Variants in TMED3 observed in about 807,000 individuals in gnomAD.
TMED3 encodes transmembrane emp24 domain-containing protein 3.
Under a neutral mutation model 15.0 loss-of-function variants are expected in TMED3, and 9 were observed. The observed-to-expected ratio is 0.60, with a 90% CI of 0.36 to 1.04. The LOEUF is 1.04. Among genes scored for constraint, TMED3 ranks in the 50% least tolerant of loss-of-function variants. The pLI is 0.01. For synonymous variants in TMED3, 117 were observed against 121.4 expected (o/e 0.96, Z 0.24); for missense variants, 267 against 278.9 (o/e 0.96, Z 0.30).
intron 2 of TMED3, among the ~76,000 whole-genome samples, chr15:79,409,929 G>A (rs1893951022): frequency 6.6e-6 from 1 of 152,086 alleles, no homozygotes; most frequent in Non-Finnish European, 1.5e-5. Flanking sequence ...GGTAACCTTA[G>A]TTGCCCCTGT....
chr15:79,395,596 T>C (rs1893753618), intron 2 of TMED3, among the ~76,000 whole-genome samples: 1 of 152,234 alleles, frequency 6.6e-6, no homozygotes, highest in Non-Finnish European at 1.5e-5. Flanking sequence ...GGCATTGAGA[T>C]ACTTATGCTA....
intron 2 of TMED3, among the ~76,000 whole-genome samples, chr15:79,370,069 G>A (rs1283466569): frequency 1.3e-5 from 2 of 152,114 alleles, no homozygotes; most frequent in Non-Finnish European, 2.9e-5. Context: ...GGAATGTCTG[G>A]TGAAGAAGAG....
At chr15:79,321,542 TGGTCTA>T (rs2058766746) in intron 2 of TMED3, among the ~76,000 whole-genome samples, 1 of 152,222 alleles carries the variant, frequency 6.6e-6, no homozygotes, top group Non-Finnish European at 1.5e-5. Context: ...AACACAACTG[TGGTCTA>T]GTTCACACTT....
At chr15:79,322,899 A>T, downstream of TMED3, 1 of 985,360 alleles carries the variant, frequency 1.0e-6, no homozygotes, top group Non-Finnish European at 1.2e-6. Context: ...ACTGCAGAGC[A>T]TGGGTGTGTG....
At chr15:79,330,489 A>G (rs1465925552) in intron 2 of TMED3, among the ~76,000 whole-genome samples, 1 of 152,164 alleles carries the variant, frequency 6.6e-6, no homozygotes, top group African/African-American at 2.4e-5. Flanking sequence ...GATGTGAAAA[A>G]TCTCTACAAG....
chr15:79,364,899 A>G (rs77307989), intron 2 of TMED3, among the ~76,000 whole-genome samples: 1,560 of 152,338 alleles, frequency 0.01, 31 homozygotes, highest in African/African-American at 0.035. Flanking sequence ...ACACTGGGAA[A>G]GAGCTTGGGA....
downstream of TMED3, among the ~76,000 whole-genome samples, chr15:79,323,994 A>AT (rs557397286): frequency 6.6e-6 from 1 of 151,664 alleles, no homozygotes; most frequent in Non-Finnish European, 1.5e-5. Flanking sequence ...TCCAGAAGAA[A>AT]TTTTTTTTTC....
chr15:79,311,179 G>C lies in TMED3; in HGVS notation c.-71G>C. ...CTTACATCCTCCTAGGACCCGGTCG[G>C]TAGTCGTCGCCCCAGCCCGCCGGGG... On this transcript the variant is annotated 5_prime_UTR_variant, in exon 1 of 3. Transcript: ENST00000299705. 1 of 1,496,404 alleles carries C rather than the reference G, an allele frequency of 6.7e-7. No individual in the cohort carries two copies. The highest frequency in any genetic ancestry group is 2.5e-5 in the East Asian group (1 of 40,440). 92.7% of individuals were successfully genotyped at this position (1,496,404 alleles called of 1,614,324 possible).
In TMED3 at chr15:79,313,756, G is replaced by A. The variant is rs535458521; in HGVS notation, c.169-1G>A. 512 of 1,612,070 alleles carry A rather than the reference G, an allele frequency of 3.2e-4. 1 individual carries two copies. Among genetic ancestry groups the A allele is most frequent in the Admixed American group, 7.5e-4 (45 of 59,912 alleles). On this transcript the variant is annotated splice_acceptor_variant, in intron 1 of 2. Transcript: ENST00000299705. LOFTEE classifies it high-confidence loss of function. ...AACAGCAATTTTTTTATGGTTGTCA[G>A]GTCATCACTGGAGGCCACTACGATG... is the stretch of plus-strand genomic sequence containing the variant.
downstream of TMED3, among the ~76,000 whole-genome samples, chr15:79,326,308 C>T (rs539345425): frequency 9.2e-5 from 14 of 152,248 alleles, no homozygotes; most frequent in South Asian, 2.1e-4. Flanking sequence ...TCAAATAGCC[C>T]GGAGGGGTGT....
chr15:79,331,542 CAAAAAA>C (rs71451761), intron 2 of TMED3, among the ~76,000 whole-genome samples: 1 of 89,284 alleles, frequency 1.1e-5, no homozygotes, highest in Non-Finnish European at 2.1e-5. Flanking sequence ...GCAAAAGAAG[CAAAAAA>C]AAAAAAAAAA....
intron 2 of TMED3, among the ~76,000 whole-genome samples, chr15:79,396,362 G>A (rs561794806): frequency 6.6e-5 from 10 of 152,154 alleles, no homozygotes; most frequent in Non-Finnish European, 1.2e-4. Flanking sequence ...TATGTCTGGG[G>A]CCTCATCTTG....
At chr15:79,333,388 T>C (rs12439191) in intron 2 of TMED3, among the ~76,000 whole-genome samples, 22,921 of 152,246 alleles carry the variant, frequency 0.15, 2,121 homozygotes, top group Middle Eastern at 0.26. Context: ...AACTGCAAAC[T>C]GGAACTTTTA....
intron 1 of TMED3, 64 bp downstream of exon 1, chr15:79,311,481 G>T: frequency 6.6e-7 from 1 of 1,522,618 alleles, no homozygotes; most frequent in South Asian, 1.3e-5. Context: ...CTGGACACTG[G>T]CTAGCCCCTG....
chr15:79,322,168 G>T lies in TMED3; in HGVS notation c.608G>T (p.Ser203Ile), dbSNP rs1265259468. 1.2e-6 allele frequency: 2 copies of T among 1,614,070 alleles called. No individual in the cohort carries two copies. The highest frequency in any genetic ancestry group is 3.3e-5 in the Admixed American group (2 of 60,010). The change falls in exon 3 of 3, where the codon AGC becomes ATC. Residue 203 changes from serine to isoleucine, a missense_variant. Coordinates refer to ENST00000299705, the MANE Select transcript of TMED3 (RefSeq NM_007364.4). ...VSFSQVLLLKSFFTEKRPISR... is the reference protein window; with the variant it reads ...VSFSQVLLLKIFFTEKRPISR... ...TTCAGTCAGGTGCTACTGTTGAAAA[G>T]CTTCTTCACAGAAAAACGACCCATC...
intron 2 of TMED3, among the ~76,000 whole-genome samples, chr15:79,393,448 A>C (rs1386573661): frequency 6.6e-6 from 1 of 152,242 alleles, no homozygotes; most frequent in East Asian, 1.9e-4. Context: ...TTGTAGACAC[A>C]TGAGCACTAT....
intron 2 of TMED3, among the ~76,000 whole-genome samples, chr15:79,394,682 C>T (rs967544513): frequency 1.3e-5 from 2 of 152,188 alleles, no homozygotes; most frequent in East Asian, 3.8e-4. Context: ...TCTCCTGCTA[C>T]GTTTATTTTT....
chr15:79,356,798 G>A (rs146145971), intron 2 of TMED3, among the ~76,000 whole-genome samples: 14 of 152,214 alleles, frequency 9.2e-5, no homozygotes, highest in African/African-American at 3.1e-4. Flanking sequence ...TCTGTGTAGA[G>A]ATATTCACTG....
intron 2 of TMED3, among the ~76,000 whole-genome samples, chr15:79,381,477 G>T (rs979607255): frequency 1.3e-5 from 2 of 152,220 alleles, no homozygotes; most frequent in Non-Finnish European, 2.9e-5. Context: ...GCGGTAAGGA[G>T]GTAGCAGGTG....
Sources: allele counts gnomAD v4.1 joint callset (sites outside exome capture counted in the v4.1 genomes callset), GRCh38; gene constraint gnomAD v4.1.1; transcripts MANE v1.5; gene names NCBI Gene and HGNC (gene_info 2026-07-23, HGNC 2026-07-21).